The following C1orf146 variants were observed in gnomAD, a reference collection of about 807,000 sequenced individuals.
The protein encoded by C1orf146 is chromosome 1 open reading frame 146, also known as protein SPO16 homolog.
A neutral mutation model predicts 23.0 loss-of-function variants in C1orf146; 22 were observed. The ratio of observed to expected loss-of-function variants is 0.96; its 90% CI spans 0.68 to 1.36. The LOEUF (loss-of-function observed/expected upper bound fraction) is 1.36. C1orf146 is among the 40% of genes most tolerant of loss of function. The pLI is 0.00. For synonymous variants in C1orf146, 59 were observed against 65.3 expected, an observed-to-expected ratio of 0.90 and a Z score of 0.47; for missense variants, 199 against 206.8, an observed-to-expected ratio of 0.96 and a Z score of 0.23.
intron 2 of C1orf146, among the ~76,000 whole-genome samples, chr1:92,236,195 TC>T (rs1229447613): frequency 1.3e-5 from 2 of 152,120 alleles, no homozygotes; most frequent in African/African-American, 4.8e-5. Context: ...TGCAGTTTCT[TC>T]CTAGTCTCGA....
At chr1:92,230,300 C>A (rs568308824) in intron 1 of C1orf146, among the ~76,000 whole-genome samples, 1 of 146,202 alleles carries the variant, frequency 6.8e-6, no homozygotes, top group South Asian at 2.3e-4. Flanking sequence ...TGCCCCCGAT[C>A]TCCACAATAA....
chr1:92,233,311 T>G (rs1218023334), intron 2 of C1orf146, among the ~76,000 whole-genome samples: 4 of 151,162 alleles, frequency 2.6e-5, no homozygotes, highest in African/African-American at 7.3e-5. Flanking sequence ...GGGATCCAGT[T>G]TCAGCTTTCT....
chr1:92,245,431 G>C, intron 5 of C1orf146, 109 bp from the exon 6 acceptor site: 1 of 823,822 alleles, frequency 1.2e-6, no homozygotes, highest in Non-Finnish European at 1.9e-6. Flanking sequence ...TTAGCACAAA[G>C]ATGATCAAGA....
intron 2 of C1orf146, among the ~76,000 whole-genome samples, chr1:92,231,897 G>A (rs1379607360): frequency 1.3e-5 from 2 of 152,242 alleles, no homozygotes; most frequent in East Asian, 1.9e-4. Context: ...GAGATGGAAA[G>A]TTGAATGCCT....
Position 92,244,276 on chromosome 1 carries a change from C to T in C1orf146, c.220C>T (p.Leu74=). The stretch of plus-strand genomic sequence containing the variant: ...TCTTCTGTCAACTGAAGAAATATTT[C>T]TAGCCAAAATTGAGAAATTTATTAA... ...ECLLSTEEIF[L]AKIEKFINIH... Residue 74 remains leucine (L), a synonymous_variant, in exon 4 of 6, where the codon CTA becomes TTA. Transcript: ENST00000370375. The T allele has an allele frequency of 6.2e-7, 1 of 1,609,290 alleles. No homozygotes were observed. The highest frequency in any genetic ancestry group is 8.5e-7 in the Non-Finnish European group (1 of 1,176,674).
chr1:92,232,293 T>C (rs544736307), intron 2 of C1orf146, among the ~76,000 whole-genome samples: 2 of 121,178 alleles, frequency 1.7e-5, no homozygotes, highest in Admixed American at 2.1e-4. Context: ...CAGAGTGTGA[T>C]GTTCCCCTTC....
chr1:92,237,518 TG>T (rs748791724), intron 2 of C1orf146, among the ~76,000 whole-genome samples: 2 of 152,194 alleles, frequency 1.3e-5, no homozygotes, highest in African/African-American at 4.8e-5. Context: ...CTGCCCCTAC[TG>T]GGGGGTGCCT....
At position 92,242,200 on chromosome 1, in the gene C1orf146, T is replaced by A. The variant is rs749596830; in HGVS notation, c.67-12T>A. ...TGCCTTAAATTTGTATTTCTGATATTTTTTAAAAAAGAGTTATGAAGTTGC... is the reference window on the plus strand; with the variant it reads ...TGCCTTAAATTTGTATTTCTGATATATTTTAAAAAAGAGTTATGAAGTTGC... On this transcript the variant is annotated splice_polypyrimidine_tract_variant and intron_variant, in intron 2 of 5. Transcript: ENST00000370375. 1 of 1,510,948 alleles carries A rather than the reference T, an allele frequency of 6.6e-7. No homozygotes were observed. Among genetic ancestry groups the A allele is most frequent in the South Asian group, 1.2e-5 (1 of 82,112 alleles). The allele number at this position is 1,510,948 out of a possible 1,614,324, so 93.6% of individuals were successfully genotyped here.
At chr1:92,235,659 T>C (rs1452800949) in intron 2 of C1orf146, among the ~76,000 whole-genome samples, 1 of 151,984 alleles carries the variant, frequency 6.6e-6, no homozygotes, top group East Asian at 1.9e-4. Flanking sequence ...AATTCCTGGG[T>C]ATCCTTGTTG....
At chr1:92,221,427 A>C (rs1244880619) in intron 1 of C1orf146, among the ~76,000 whole-genome samples, 3 of 152,178 alleles carry the variant, frequency 2.0e-5, no homozygotes, top group Non-Finnish European at 4.4e-5. Flanking sequence ...CACAAACCTC[A>C]ACATCACACA....
At chr1:92,221,676 G>C (rs1651820648) in intron 1 of C1orf146, among the ~76,000 whole-genome samples, 1 of 152,148 alleles carries the variant, frequency 6.6e-6, no homozygotes, top group South Asian at 2.1e-4. Flanking sequence ...GTGTTTCAAA[G>C]AGGTTATTTT....
At chr1:92,219,828 C>T (rs1365874809) in intron 1 of C1orf146, among the ~76,000 whole-genome samples, 1 of 151,988 alleles carries the variant, frequency 6.6e-6, no homozygotes, top group East Asian at 1.9e-4. Context: ...CTCCATGCTC[C>T]TGTTCTTAAG....
At chr1:92,244,898 T>G (rs1570801484) in intron 5 of C1orf146, 41 bp downstream of exon 5, 8 of 1,143,354 alleles carry the variant, frequency 7.0e-6, no homozygotes, top group Non-Finnish European at 1.0e-5. Flanking sequence ...CACATACATT[T>G]TAAGGTTTTT....
intron 2 of C1orf146, among the ~76,000 whole-genome samples, chr1:92,233,226 G>C (rs1420153947): frequency 6.6e-6 from 1 of 151,942 alleles, no homozygotes; most frequent in African/African-American, 2.4e-5. Context: ...TTTCTTCTAG[G>C]GTTTTTATGA....
chr1:92,233,324 A>G lies in C1orf146; in HGVS notation c.66+1838A>G, dbSNP rs1215939228. 5.3e-5 allele frequency among the ~76,000 whole-genome samples: 8 copies of G among 151,172 alleles called. No individual in the cohort carries two copies. The South Asian group carries it at 1.2e-3, about 24-fold the overall frequency. The stretch of plus-strand genomic sequence containing the variant: ...AAGGGATCCAGTTTCAGCTTTCTAC[A>G]TATGGCTAGCCAGTTTTCCCAGCAC... On this transcript the variant is annotated intron_variant, in intron 2 of 5. Coordinates refer to ENST00000370375, the MANE Select transcript of C1orf146 (RefSeq NM_001012425.2).
Position 92,244,398 on chromosome 1 carries a change from A to G in C1orf146, c.329+13A>G. On this transcript the variant is annotated intron_variant, in intron 4 of 5. Coordinates refer to ENST00000370375, the MANE Select transcript of C1orf146 (RefSeq NM_001012425.2). ...GGATTCAGCAGAGGTATGGAAGAATAGCATTATAGACTTATTTTTCTTATA... is the reference window on the plus strand; with the variant it reads ...GGATTCAGCAGAGGTATGGAAGAATGGCATTATAGACTTATTTTTCTTATA... The G allele has an allele frequency of 6.4e-7, 1 of 1,557,398 alleles. No homozygotes were observed. The highest frequency in any genetic ancestry group is 8.7e-7 in the Non-Finnish European group (1 of 1,155,518).
intron 1 of C1orf146, among the ~76,000 whole-genome samples, chr1:92,228,253 C>T (rs1440763100): frequency 6.6e-6 from 1 of 152,112 alleles, no homozygotes; most frequent in African/African-American, 2.4e-5. Flanking sequence ...AATTTTCTGC[C>T]AAAATGCTCC....
At chr1:92,234,123 C>T (rs1270614766) in intron 2 of C1orf146, among the ~76,000 whole-genome samples, 1 of 152,058 alleles carries the variant, frequency 6.6e-6, no homozygotes, top group Non-Finnish European at 1.5e-5. Flanking sequence ...GCCTAATTGC[C>T]CTGGCCAGAA....
At chr1:92,221,546 G>T (rs931400384) in intron 1 of C1orf146, among the ~76,000 whole-genome samples, 11 of 152,132 alleles carry the variant, frequency 7.2e-5, no homozygotes, top group African/African-American at 2.4e-4. Context: ...GAGCAAAGGT[G>T]GTATTTTTCT....
Sources: gnomAD v4.1 joint callset for allele counts (sites outside exome capture counted in the v4.1 genomes callset) on GRCh38, gnomAD v4.1.1 for gene constraint, MANE v1.5 for transcripts, NCBI Gene and HGNC (gene_info 2026-07-23, HGNC 2026-07-21) for gene names.